Variants in MBP observed in about 807,000 individuals in gnomAD.
The protein encoded by MBP is myelin basic protein.
In MBP, 16 loss-of-function variants were observed where a neutral mutation model predicts 35.8. The ratio of observed to expected loss-of-function variants is 0.45; its 90% CI spans 0.30 to 0.68. The LOEUF is 0.68. Among genes scored for constraint, MBP ranks in the 30% least tolerant of loss-of-function variants. The pLI is 0.08. For missense variants in MBP, 380 were observed against 404.7 expected (o/e 0.94, Z 0.52); for synonymous variants, 143 against 159.6 (o/e 0.90, Z 0.78).
chr18:77,103,625 C>G (rs990532688), intron 2 of MBP, among the ~76,000 whole-genome samples: 11 of 152,210 alleles, frequency 7.2e-5, no homozygotes, highest in Non-Finnish European at 1.5e-4. Flanking sequence ...GGACCAAGAG[C>G]AAGGGCCGCC....
chr18:77,082,519 T>G (rs1402529498), intron 2 of MBP, among the ~76,000 whole-genome samples: 1 of 152,088 alleles, frequency 6.6e-6, no homozygotes, highest in Non-Finnish European at 1.5e-5. Context: ...CTGACAAAAA[T>G]GTATTAAAAT....
Position 76,978,848 on chromosome 18 carries a change from A to G in MBP, c.*1579T>C, listed in dbSNP as rs1969030370. 6.6e-6 allele frequency: 1 copy of G among 152,096 alleles called. No individual in the cohort carries two copies. Among genetic ancestry groups the G allele is most frequent in the Non-Finnish European group, 1.5e-5 (1 of 68,022 alleles). 9.4% of individuals were successfully genotyped at this position (152,096 alleles called of 1,614,324 possible). A position where few individuals can be genotyped will look rare whatever the true frequency, so the allele number is the denominator to read the frequency against. On this transcript the variant is annotated 3_prime_UTR_variant, in exon 9 of 9. Transcript: ENST00000355994. ...CCCATGCAAATACCATTAAAAGTTT[A>G]TTGTTTTATTTCAATATTCAGGAAC...
intron 3 of MBP, among the ~76,000 whole-genome samples, chr18:77,040,696 A>C (rs1227104284): frequency 6.6e-6 from 1 of 152,264 alleles, no homozygotes. Context: ...TTCCCTATTT[A>C]ATAAATGGTG....
intron 4 of MBP, among the ~76,000 whole-genome samples, chr18:77,001,658 C>T (rs934664052): frequency 2.0e-5 from 3 of 152,152 alleles, no homozygotes; most frequent in African/African-American, 7.2e-5. Flanking sequence ...TGAGACCTCC[C>T]TGGCCAACGT....
rs55981005 is a variant in MBP, at chr18:77,044,037, C to CTCTGCCTT, written c.139+22260_139+22261insAAGGCAGA. ...CCTGAGGCTCTCTGCCTCTCTGCCT[C>CTCTGCCTT]CTCCCTGGAGGCCGTGCAAATCCTG... is the stretch of plus-strand genomic sequence containing the variant. On this transcript the variant is annotated intron_variant, in intron 3 of 8. Transcript: ENST00000355994. The surrounding 1 kb of genome is among the most constrained non-coding windows in gnomAD (Gnocchi z 4.4). Among the ~76,000 whole-genome samples, 56,967 of 151,600 alleles carry CTCTGCCTT rather than the reference C, an allele frequency of 0.38. 12,271 individuals are homozygous for CTCTGCCTT. The highest frequency in any genetic ancestry group is 0.48 in the Admixed American group (7,230 of 15,220).
At chr18:77,060,270 G>GGACATCCTA (rs1298450211) in intron 3 of MBP, among the ~76,000 whole-genome samples, 1 of 152,144 alleles carries the variant, frequency 6.6e-6, no homozygotes, top group East Asian at 1.9e-4. Context: ...CACATAGGCA[G>GGACATCCTA]GACATCCTAG....
chr18:76,985,937 GC>G (rs1969534620), intron 7 of MBP: 1 of 985,986 alleles, frequency 1.0e-6, no homozygotes, highest in Non-Finnish European at 1.2e-6. Flanking sequence ...CCGTGTGACC[GC>G]AGGGGCTTCC....
chr18:77,067,818 A>T (rs370335393), intron 2 of MBP: 6 of 512,800 alleles, frequency 1.2e-5, no homozygotes, highest in Non-Finnish European at 2.3e-5. Context: ...TCAATTTTAC[A>T]TTCTTTTCCT....
At chr18:77,117,559 T>G (rs1345077157) in intron 1 of MBP, among the ~76,000 whole-genome samples, 1 of 152,228 alleles carries the variant, frequency 6.6e-6, no homozygotes, top group East Asian at 1.9e-4. Context: ...AACACATTCA[T>G]AGTTCCGTGG....
intron 4 of MBP, among the ~76,000 whole-genome samples, chr18:77,010,687 G>A (rs942003137): frequency 1.3e-5 from 2 of 152,232 alleles, no homozygotes; most frequent in African/African-American, 2.4e-5. Flanking sequence ...CAGGAGCTAC[G>A]CATTCACCTG....
chr18:77,097,992 C>A (rs1256510737), intron 2 of MBP, among the ~76,000 whole-genome samples: 3 of 152,116 alleles, frequency 2.0e-5, no homozygotes, highest in African/African-American at 7.2e-5. Context: ...CTGTCTCTCC[C>A]TCTATGTGAG....
chr18:77,016,286 C>A (rs776430429), intron 4 of MBP: 3 of 986,256 alleles, frequency 3.0e-6, no homozygotes, highest in East Asian at 2.3e-4. Context: ...ATCCCTCCCC[C>A]CTTCCACTTC....
intron 3 of MBP, among the ~76,000 whole-genome samples, chr18:77,027,001 A>G (rs1180324892): frequency 6.6e-6 from 1 of 152,202 alleles, no homozygotes; most frequent in Non-Finnish European, 1.5e-5. Context: ...AAGCTCTAAG[A>G]CATGCAGTGG....
At chr18:77,104,790 C>T (rs1314804669) in intron 2 of MBP, among the ~76,000 whole-genome samples, 1 of 152,148 alleles carries the variant, frequency 6.6e-6, no homozygotes, top group East Asian at 1.9e-4. Flanking sequence ...CAATCTCTTT[C>T]CTCTCTGAGA....
intron 2 of MBP, among the ~76,000 whole-genome samples, chr18:77,090,861 C>T (rs183250292): frequency 2.4e-4 from 37 of 152,318 alleles, no homozygotes; most frequent in African/African-American, 7.9e-4. Context: ...CCTCGTTCCC[C>T]TGGAGGAGAA....
chr18:77,082,534 T>C (rs1296449073), intron 2 of MBP, among the ~76,000 whole-genome samples: 1 of 152,156 alleles, frequency 6.6e-6, no homozygotes, highest in Non-Finnish European at 1.5e-5. Context: ...TAAAATCAGA[T>C]TGTGGTGATG....
chr18:77,061,924 G>C (rs1974000942), intron 3 of MBP, among the ~76,000 whole-genome samples: 1 of 152,160 alleles, frequency 6.6e-6, no homozygotes, highest in African/African-American at 2.4e-5. Context: ...ACTCTTCATG[G>C]GGGTTTGCCC....
intron 3 of MBP, among the ~76,000 whole-genome samples, chr18:77,019,975 A>G (rs995940083): frequency 6.6e-6 from 1 of 152,184 alleles, no homozygotes; most frequent in Non-Finnish European, 1.5e-5. Context: ...ACCATCTGTG[A>G]GCAACAGCAG....
At chr18:77,077,254 C>T (rs985405398) in intron 2 of MBP, among the ~76,000 whole-genome samples, 13 of 145,124 alleles carry the variant, frequency 9.0e-5, no homozygotes, top group African/African-American at 2.8e-4. Context: ...CCTGGCTACT[C>T]GGGAGGCTGA....
Sources: allele counts gnomAD v4.1 joint callset (sites outside exome capture counted in the v4.1 genomes callset), GRCh38; gene constraint gnomAD v4.1.1; non-coding constraint Gnocchi (gnomAD v3.1); transcripts MANE v1.5; gene names NCBI Gene and HGNC (gene_info 2026-07-23, HGNC 2026-07-21).